Variants in EXOC7 observed in about 807,000 individuals in gnomAD.
EXOC7 encodes exocyst complex component Exo70.
Under a neutral mutation model 87.6 loss-of-function variants are expected in EXOC7, and 51 were observed. The ratio of observed to expected loss-of-function variants is 0.58; its 90% CI spans 0.46 to 0.73. The LOEUF is 0.73. Ranked by LOEUF, EXOC7 falls within the 30% of genes least tolerant of loss-of-function variation. EXOC7 has a pLI of 0.00. For missense variants in EXOC7, 744 were observed against 888.4 expected, an observed-to-expected ratio of 0.84 and a Z score of 2.07; for synonymous variants, 327 against 357.1, an observed-to-expected ratio of 0.92 and a Z score of 0.95.
In EXOC7 at chr17:76,086,133, G is replaced by A. The variant is rs773783577; in HGVS notation, c.1442C>T (p.Ser481Leu). The change falls in exon 13 of 19, where the codon TCG (serine) becomes TTG (leucine). Residue 481 changes from serine (S) to leucine (L), a missense_variant. By Grantham distance (145) the Ser-to-Leu change is moderately radical. This residue lies in a region of EXOC7 where 228 missense variants were observed against 298.6 expected (regional missense o/e 0.76). Coordinates refer to ENST00000589210, the MANE Select transcript of EXOC7 (RefSeq NM_001013839.4). ...AMLASQETSSSATSYSSEFSK... is the reference protein window; with the variant it reads ...AMLASQETSSLATSYSSEFSK... The stretch of plus-strand genomic sequence containing the variant: ...GAACTCAGAGCTGTAGCTGGTGGCC[G>A]AAGAGCTGGTCTCTGTGAGAGGAGA... 5.0e-6 allele frequency: 8 copies of A among 1,613,666 alleles called. No individual in the cohort carries two copies. The highest frequency in any genetic ancestry group is 2.2e-5 in the East Asian group (1 of 44,882).
At position 76,094,554 on chromosome 17, in the gene EXOC7, C is replaced by T. The variant is rs764839039; in HGVS notation, c.668G>A (p.Arg223His). The T allele has an allele frequency of 8.1e-6, 13 of 1,613,386 alleles. No individual in the cohort carries two copies. The highest frequency in any genetic ancestry group is 1.7e-4 in the Middle Eastern group (1 of 5,848). ...GATGGAGCGGTCCAGCTGGCTGGAG[C>T]GTATCTGGTAGTAGACGTTCATGAA... ...QDFMNVYYQI[R>H]SSQLDRSIKG... is the part of the protein sequence containing the mutation. Residue 223 changes from arginine (R) to histidine (H), a missense_variant, in exon 6 of 19, where the codon CGC becomes CAC. Around this residue, in one of 3 missense-constraint regions of EXOC7, gnomAD observed 512 missense variants for 573.0 expected, o/e 0.89. Coordinates refer to ENST00000589210, the MANE Select transcript of EXOC7 (RefSeq NM_001013839.4).
intron 2 of EXOC7, 55 bp from the exon 3 acceptor site, chr17:76,101,918 C>T: frequency 6.9e-7 from 1 of 1,452,234 alleles, no homozygotes; most frequent in Non-Finnish European, 9.4e-7. Flanking sequence ...AGCACTGCTT[C>T]TACACACCCA....
At chr17:76,087,617 G>T in intron 12 of EXOC7, 37 bp downstream of exon 12, 2 of 1,540,532 alleles carry the variant, frequency 1.3e-6, no homozygotes, top group South Asian at 2.4e-5. Flanking sequence ...GCAAGGAGGC[G>T]AGTGGGGCAG....
In EXOC7 at chr17:76,082,410, C is replaced by T. The variant is rs1339131239; in HGVS notation, c.*1238G>A. The T allele has an allele frequency of 2.2e-5, 33 of 1,519,796 alleles. No homozygotes were observed. The Middle Eastern group carries it at 5.2e-4, about 24-fold the overall frequency. 94.1% of individuals were successfully genotyped at this position (1,519,796 alleles called of 1,614,324 possible). A position where few individuals can be genotyped will look rare whatever the true frequency, so the allele number is the denominator to read the frequency against. The stretch of plus-strand genomic sequence containing the variant: ...GACCCCTGGGGTTCGCTCTTCCGCT[C>T]ATGTTGAGGGGACCTTGAAGAACAG... On this transcript the variant is annotated 3_prime_UTR_variant, in exon 19 of 19. Transcript: ENST00000589210.
chr17:76,095,036 C>T (rs896459725), intron 5 of EXOC7, among the ~76,000 whole-genome samples: 2 of 152,112 alleles, frequency 1.3e-5, no homozygotes, highest in Non-Finnish European at 2.9e-5. Context: ...TCTTGGCTCA[C>T]CGCAAACTCT....
chr17:76,082,072 G>A lies in EXOC7; in HGVS notation c.*1576C>T. On this transcript the variant is annotated 3_prime_UTR_variant, in exon 19 of 19. Transcript: ENST00000589210. Reference sequence around the variant, plus strand: ...AAGGTGGGCAGGGGCTGGGGGGTAAGGAATGAGGCCTAGGTGCACACCTAG... The same window carrying A: ...AAGGTGGGCAGGGGCTGGGGGGTAAAGAATGAGGCCTAGGTGCACACCTAG... 6.3e-7 allele frequency: 1 copy of A among 1,581,262 alleles called. No individual in the cohort carries two copies. Among genetic ancestry groups the A allele is most frequent in the Non-Finnish European group, 8.6e-7 (1 of 1,165,414 alleles).
At chr17:76,093,963 G>C (rs2067623240) in intron 6 of EXOC7, 1 of 153,454 alleles carries the variant, frequency 6.5e-6, no homozygotes, top group Admixed American at 6.5e-5. Context: ...CTGGGAAAGT[G>C]AAATTCTCCC....
At position 76,099,234 on chromosome 17, in the gene EXOC7, G is replaced by A. The variant is rs147161467; in HGVS notation, c.418-1216C>T. Among the ~76,000 whole-genome samples, 1,186 of 152,310 alleles carry A rather than the reference G, an allele frequency of 7.8e-3. 18 individuals are homozygous for A. Among genetic ancestry groups the A allele is most frequent in the African/African-American group, 0.027 (1,108 of 41,578 alleles). On this transcript the variant is annotated intron_variant, in intron 4 of 18. Coordinates refer to ENST00000589210, the MANE Select transcript of EXOC7 (RefSeq NM_001013839.4). Reference sequence around the variant, plus strand: ...AAGAAAATGTGGTCTGGCTGGGCACGGTGGCTTACGCCTGTAATCCCAGCA... The same window carrying A: ...AAGAAAATGTGGTCTGGCTGGGCACAGTGGCTTACGCCTGTAATCCCAGCA...
rs1168294591 is a variant in EXOC7, at chr17:76,088,874, G to A, written c.1097C>T (p.Ala366Val). The change falls in exon 9 of 19, where the codon GCC becomes GTC. Residue 366 changes from alanine (A) to valine (V), a missense_variant. By Grantham distance (64) the Ala-to-Val change is moderately conservative. Transcript: ENST00000589210. ...MLEGENIVSAARKAIVRHDFS... is the reference protein window; with the variant it reads ...MLEGENIVSAVRKAIVRHDFS... ...GTCGTGTCGCACAATGGCCTTCCGG[G>A]CAGCAGACACGATGTTCTCCCCTTC... 7.4e-6 allele frequency: 12 copies of A among 1,613,678 alleles called. No homozygotes were observed. In the East Asian group the frequency reaches 2.7e-4, roughly 36 times the overall value.
At position 76,081,033 on chromosome 17, in the gene EXOC7, C is replaced by A; in HGVS notation, c.*2615G>T. Reference sequence around the variant, plus strand: ...CTCCATCATGAAGTGGTGCAAAGTACATTTATTTTTACAATGAAAGCTCAT... The same window carrying A: ...CTCCATCATGAAGTGGTGCAAAGTAAATTTATTTTTACAATGAAAGCTCAT... On this transcript the variant is annotated 3_prime_UTR_variant, in exon 19 of 19. Coordinates refer to ENST00000589210, the MANE Select transcript of EXOC7 (RefSeq NM_001013839.4). 1 of 479,258 alleles carries A rather than the reference C, an allele frequency of 2.1e-6. No homozygotes were observed. 29.7% of individuals were successfully genotyped at this position (479,258 alleles called of 1,614,324 possible).
rs768615677 is a variant in EXOC7 at position 76,101,160 on chromosome 17, C to T, written c.417+111G>A. 2.5e-6 allele frequency: 4 copies of T among 1,581,486 alleles called. No individual in the cohort carries two copies. The Admixed American group carries it at 7.1e-5, about 28-fold the overall frequency. Reference sequence around the variant, plus strand: ...GCCTATAGGATGTACTGTGCTATATCCTTCTGTGTATTCTACTGCATACAT... The same window carrying T: ...GCCTATAGGATGTACTGTGCTATATTCTTCTGTGTATTCTACTGCATACAT... On this transcript the variant is annotated intron_variant, in intron 4 of 18. Coordinates refer to ENST00000589210, the MANE Select transcript of EXOC7 (RefSeq NM_001013839.4).
At chr17:76,095,726 G>A (rs2067717753) in intron 5 of EXOC7, among the ~76,000 whole-genome samples, 1 of 152,168 alleles carries the variant, frequency 6.6e-6, no homozygotes, top group Non-Finnish European at 1.5e-5. Flanking sequence ...AGGAGCTAGT[G>A]ATGGCAAGAA....
intron 4 of EXOC7, 106 bp from the exon 5 acceptor site, chr17:76,098,124 C>A (rs774960087): frequency 4.6e-6 from 4 of 873,340 alleles, no homozygotes; most frequent in African/African-American, 3.4e-5. Flanking sequence ...AGGGCCTCTG[C>A]CCTTTTCTGC....
intron 12 of EXOC7, chr17:76,087,213 G>A: frequency 2.5e-6 from 1 of 394,956 alleles, no homozygotes. Flanking sequence ...TTGCTTACAG[G>A]CCAACCCCCT....
intron 16 of EXOC7, 42 bp downstream of exon 16, chr17:76,084,475 C>T (rs1287516629): frequency 3.7e-6 from 6 of 1,603,498 alleles, no homozygotes; most frequent in East Asian, 4.5e-5. Flanking sequence ...AAAAGTATCC[C>T]GTCTGCCAGA....
intron 14 of EXOC7, 113 bp downstream of exon 14, chr17:76,085,564 C>A: frequency 1.3e-6 from 2 of 1,557,772 alleles, no homozygotes; most frequent in African/African-American, 1.4e-5. Flanking sequence ...GAGACTGAAG[C>A]ACCCCCTCCC....
At position 76,081,962 on chromosome 17, in the gene EXOC7, G is replaced by A; in HGVS notation, c.*1686C>T. On this transcript the variant is annotated 3_prime_UTR_variant, in exon 19 of 19. Transcript: ENST00000589210. ...GCTGCTGGCTGGGCTGCTGGCCCGG[G>A]GCAACCTTGGGGCCAAGAGCGGCCC... is the stretch of plus-strand genomic sequence containing the variant. The A allele has an allele frequency of 6.2e-7, 1 of 1,612,900 alleles. No homozygotes were observed. The highest frequency in any genetic ancestry group is 1.7e-5 in the Admixed American group (1 of 59,926).
At position 76,084,112 on chromosome 17, in the gene EXOC7, A is replaced by G. The variant is rs767941142; in HGVS notation, c.1846T>C (p.Cys616Arg). ...ATAGCCCAGGCCTTCTGGATTTTGC[A>G]CAGTTCTTCGAGGCCATCATTGAAG... is the stretch of plus-strand genomic sequence containing the variant. ...KGFNDGLEEL[C>R]KIQKAWAIPD... is the part of the protein sequence containing the mutation. Residue 616 changes from cysteine (C) to arginine (R), a missense_variant, in exon 18 of 19, where the codon TGC (cysteine) becomes CGC (arginine). Transcript: ENST00000589210. The G allele has an allele frequency of 6.2e-7, 1 of 1,605,878 alleles. No homozygotes were observed.
chr17:76,096,625 T>C (rs2067771222), intron 5 of EXOC7, among the ~76,000 whole-genome samples: 1 of 151,764 alleles, frequency 6.6e-6, no homozygotes, highest in Non-Finnish European at 1.5e-5. Context: ...TGGAGCGCAA[T>C]AGTGCACTCT....
Sources: allele counts gnomAD v4.1 joint callset (sites outside exome capture counted in the v4.1 genomes callset), GRCh38; gene constraint gnomAD v4.1.1; regional missense constraint gnomAD v4.1.1; transcripts MANE v1.5; gene names NCBI Gene and HGNC (gene_info 2026-07-23, HGNC 2026-07-21).